UROC1: variants seen among roughly 807,000 people sequenced by gnomAD.
UROC1 encodes urocanate hydratase.
In UROC1, 79 loss-of-function variants were observed where a neutral mutation model predicts 89.5. The ratio of observed to expected loss-of-function variants is 0.88; its 90% CI spans 0.74 to 1.06. UROC1 has a LOEUF of 1.06. Ranked by LOEUF, UROC1 falls within the 50% of genes least tolerant of loss-of-function variation. The pLI, the probability that UROC1 is intolerant of heterozygous loss-of-function variation, is 0.00. For synonymous variants in UROC1, 361 were observed against 354.8 expected, an observed-to-expected ratio of 1.02 and a Z score of -0.20; for missense variants, 885 against 907.8, an observed-to-expected ratio of 0.97 and a Z score of 0.32.
At position 126,500,834 on chromosome 3, in the gene UROC1, A is replaced by G; in HGVS notation, c.1006T>C (p.Leu336=). 6.2e-7 allele frequency: 1 copy of G among 1,613,942 alleles called. No individual in the cohort carries two copies. The highest frequency in any genetic ancestry group is 1.1e-5 in the South Asian group (1 of 91,086). ...GTCTGATCTGACCCCAGGTCCACCA[A>G]GCACTCCCCCGTCGTGTCCAATTCG... ...VHELDTTGEC[L]VDLGSDQTSC... Residue 336 remains leucine, a synonymous_variant, in exon 11 of 20, where the codon TTG becomes CTG. Coordinates refer to ENST00000290868, the MANE Select transcript of UROC1 (RefSeq NM_144639.3).
intron 14 of UROC1, among the ~76,000 whole-genome samples, chr3:126,497,391 C>T (rs1223881554): frequency 6.6e-6 from 1 of 152,208 alleles, no homozygotes; most frequent in Non-Finnish European, 1.5e-5. Context: ...TGGTTAAAAC[C>T]CAGGCAGGCC....
intron 1 of UROC1, among the ~76,000 whole-genome samples, chr3:126,516,820 C>T (rs1245497263): frequency 1.3e-5 from 2 of 149,522 alleles, no homozygotes; most frequent in Non-Finnish European, 3.0e-5. Context: ...CAGTGGGCTC[C>T]GGTGCAAAGG....
At chr3:126,509,827 G>A in intron 2 of UROC1, 149 bp from the exon 3 acceptor site, 1 of 785,386 alleles carries the variant, frequency 1.3e-6, no homozygotes. Context: ...GGGCTCCAGA[G>A]CCACTAGGGC....
Position 126,505,665 on chromosome 3 carries a change from C to G in UROC1, c.813+36G>C, listed in dbSNP as rs748020049. ...GGAGGGAGGGAGGGAGGGAGGGAGG[C>G]AGGCAGGAGCGAAGGCCAGGAGCCC... On this transcript the variant is annotated intron_variant, in intron 8 of 19. Transcript: ENST00000290868. 489 of 1,549,658 alleles carry G rather than the reference C, an allele frequency of 3.2e-4. 1 individual carries two copies. Among genetic ancestry groups the G allele is most frequent in the East Asian group, 5.5e-4 (24 of 43,572 alleles).
At chr3:126,507,491 T>C (rs1220711160) in intron 6 of UROC1, among the ~76,000 whole-genome samples, 1 of 152,198 alleles carries the variant, frequency 6.6e-6, no homozygotes, top group Non-Finnish European at 1.5e-5. Flanking sequence ...AATTTTCGCA[T>C]GTTTGAAATT....
chr3:126,512,225 G>C (rs987703889), intron 1 of UROC1, among the ~76,000 whole-genome samples: 1 of 152,202 alleles, frequency 6.6e-6, no homozygotes, highest in Non-Finnish European at 1.5e-5. Context: ...GGGAGGCCCA[G>C]TGCCTCCACC....
At chr3:126,505,617 G>A (rs1460030905) in intron 8 of UROC1, 84 bp downstream of exon 8, 4 of 1,557,038 alleles carry the variant, frequency 2.6e-6, no homozygotes, top group South Asian at 2.3e-5. Flanking sequence ...GGTCTGTGGT[G>A]TAAGTGATCC....
intron 9 of UROC1, among the ~76,000 whole-genome samples, chr3:126,502,757 G>A (rs1456738180): frequency 9.6e-5 from 3 of 31,382 alleles, no homozygotes; most frequent in African/African-American, 9.9e-5. Context: ...TGTGTATGTT[G>A]TGTGTGTTTG....
chr3:126,501,096 G>T (rs755408670), intron 10 of UROC1, 122 bp downstream of exon 10: 2 of 1,230,446 alleles, frequency 1.6e-6, no homozygotes, highest in African/African-American at 1.5e-5. Context: ...GCCAACAAGG[G>T]TGGCGCTGAA....
At chr3:126,495,522 A>G (rs1407076033) in intron 15 of UROC1, among the ~76,000 whole-genome samples, 1 of 152,162 alleles carries the variant, frequency 6.6e-6, no homozygotes, top group African/African-American at 2.4e-5. Context: ...CTCATGGTTA[A>G]CCCACACTTT....
At chr3:126,488,069 AG>A in intron 18 of UROC1, 128 bp downstream of exon 18, 1 of 995,402 alleles carries the variant, frequency 1.0e-6, no homozygotes, top group East Asian at 2.4e-5. Context: ...TTTTCCACAA[AG>A]GTGAGGGCAG....
intron 17 of UROC1, among the ~76,000 whole-genome samples, chr3:126,489,008 T>C (rs1197793585): frequency 2.6e-5 from 4 of 151,948 alleles, no homozygotes; most frequent in Non-Finnish European, 4.4e-5. Flanking sequence ...AGCTCTAGGA[T>C]CTGGAAAGGT....
At chr3:126,482,519 A>G (rs1444829240) in intron 19 of UROC1, 34 bp from the exon 20 acceptor site, 6 of 1,613,578 alleles carry the variant, frequency 3.7e-6, no homozygotes, top group Middle Eastern at 1.7e-4. Context: ...GTCCATGTCA[A>G]CATAACCGGG....
intron 9 of UROC1, chr3:126,501,661 A>C: frequency 8.7e-7 from 1 of 1,150,086 alleles, no homozygotes; most frequent in Non-Finnish European, 1.2e-6. Context: ...ATTATTCGGA[A>C]AAATAGGACA....
intron 8 of UROC1, among the ~76,000 whole-genome samples, chr3:126,505,019 G>T (rs7653104): frequency 6.6e-6 from 1 of 152,038 alleles, no homozygotes; most frequent in Non-Finnish European, 1.5e-5. Context: ...TACAAGAGCT[G>T]GTTGTTTAAA....
In UROC1 at chr3:126,483,416, C is replaced by A. The variant is rs1207156496; in HGVS notation, c.1843G>T (p.Ala615Ser). The A allele has an allele frequency of 6.2e-7, 1 of 1,613,782 alleles. No homozygotes were observed. The highest frequency in any genetic ancestry group is 8.5e-7 in the Non-Finnish European group (1 of 1,180,054). ...AGCATCAGCCTGGCTCTCCCCTCGG[C>A]CTCCGGGGTACCGTCCAGCACGAGG... ...FGLVLDGTPE[A>S]EGRARLMLSW... is the part of the protein sequence containing the mutation. The change falls in exon 19 of 20, where the codon GCC becomes TCC. Residue 615 changes from alanine to serine, a missense_variant. Ala to Ser is a moderately conservative substitution (Grantham distance 99). Transcript: ENST00000290868.
intron 1 of UROC1, among the ~76,000 whole-genome samples, chr3:126,512,655 T>C (rs1936221472): frequency 6.6e-6 from 1 of 152,086 alleles, no homozygotes; most frequent in South Asian, 2.1e-4. Context: ...CCCAGGTGTT[T>C]GAGGTTACAG....
At chr3:126,513,657 G>A (rs1434374266) in intron 1 of UROC1, among the ~76,000 whole-genome samples, 1 of 152,214 alleles carries the variant, frequency 6.6e-6, no homozygotes, top group East Asian at 1.9e-4. Flanking sequence ...GCACACCTAA[G>A]TGTGTGTGAG....
chr3:126,509,564 C>A (rs1301392407), intron 3 of UROC1, 21 bp downstream of exon 3: 4 of 1,547,566 alleles, frequency 2.6e-6, no homozygotes, highest in South Asian at 1.2e-5. Context: ...AGTGCTGGGC[C>A]TCGGTTTCCC....
Sources: gnomAD v4.1 joint callset for allele counts (sites outside exome capture counted in the v4.1 genomes callset) on GRCh38, gnomAD v4.1.1 for gene constraint, MANE v1.5 for transcripts, NCBI Gene and HGNC (gene_info 2026-07-23, HGNC 2026-07-21) for gene names.